Variants in SLC22A25 observed in about 807,000 individuals in gnomAD.
The protein encoded by SLC22A25 is MGI:2442751, MGI:2385316, MGI:3042283, MGI:3645714, MGI:3605624, MGI:2442750.
Under a neutral mutation model 45.9 loss-of-function variants are expected in SLC22A25, and 44 were observed. The ratio of observed to expected loss-of-function variants is 0.96; its 90% CI spans 0.75 to 1.23. The LOEUF (loss-of-function observed/expected upper bound fraction) is 1.23. Among genes scored for constraint, SLC22A25 ranks in the 50% most tolerant of loss-of-function variants. The pLI is 0.00. For synonymous variants in SLC22A25, 283 were observed against 238.6 expected, an observed-to-expected ratio of 1.19 and a Z score of -1.72; for missense variants, 800 against 666.4, an observed-to-expected ratio of 1.20 and a Z score of -2.21.
chr11:63,217,711 T>A lies in SLC22A25; in HGVS notation c.531A>T (p.Arg177Ser). 6.2e-7 allele frequency: 1 copy of A among 1,611,278 alleles called. No individual in the cohort carries two copies. Among genetic ancestry groups the A allele is most frequent in the Non-Finnish European group, 8.5e-7 (1 of 1,179,346 alleles). Residue 177 changes from arginine (R) to serine (S), a missense_variant, in exon 6 of 12, where the codon AGA (arginine) becomes AGT (serine). By Grantham distance (110) the Arg-to-Ser change is moderately radical (BLOSUM62 -1). Coordinates refer to ENST00000306494, the MANE Select transcript of SLC22A25 (RefSeq NM_199352.6). ...CAATGGCGAGCTGGAGGTAAGACCA[T>A]CTGAGCACGAACTTTCTCCCAAACC... ...SDRFGRKFVL[R>S]WSYLQLAIVG...
chr11:63,215,416 A>G (rs992580878), intron 7 of SLC22A25, among the ~76,000 whole-genome samples: 1 of 152,126 alleles, frequency 6.6e-6, no homozygotes, highest in African/African-American at 2.4e-5. Flanking sequence ...GGAATATCAC[A>G]TCCTGGGGCC....
intron 7 of SLC22A25, among the ~76,000 whole-genome samples, chr11:63,199,799 G>A (rs968396037): frequency 8.3e-4 from 122 of 147,030 alleles, no homozygotes; most frequent in Non-Finnish European, 4.8e-4. Flanking sequence ...ATCAATAGGC[G>A]ACGTCCGAGA....
At chr11:63,186,149 CA>C (rs2088533254) in intron 7 of SLC22A25, among the ~76,000 whole-genome samples, 1 of 127,796 alleles carries the variant, frequency 7.8e-6, no homozygotes, top group South Asian at 3.0e-4. Flanking sequence ...AACTAGTTTA[CA>C]GTCCCACCGA....
intron 9 of SLC22A25, among the ~76,000 whole-genome samples, chr11:63,172,895 T>C (rs1048570589): frequency 6.6e-6 from 1 of 152,066 alleles, no homozygotes; most frequent in African/African-American, 2.4e-5. Context: ...TAGAAATCAT[T>C]CTACTATAAG....
At chr11:63,174,547 G>A (rs753745725) in intron 9 of SLC22A25, among the ~76,000 whole-genome samples, 11 of 152,062 alleles carry the variant, frequency 7.2e-5, no homozygotes, top group Admixed American at 2.0e-4. Flanking sequence ...AATCACCCAC[G>A]TCTAGTTCCT....
At chr11:63,166,312 A>G (rs111442070) in intron 9 of SLC22A25, 54 bp from the exon 10 acceptor site, 76,107 of 1,588,312 alleles carry the variant, frequency 0.048, 2,080 homozygotes, top group Non-Finnish European at 0.058. Flanking sequence ...CCTAAATCCT[A>G]CAAATGAGAA....
At position 63,163,504 on chromosome 11, in the gene SLC22A25, G is replaced by C. The variant is rs1388342027; in HGVS notation, c.*320C>G. ...AGCTAACAGGTACACTCACTGGGCTGAGGGCTCCCCAGGGATGAGAAGATG... is the reference window on the plus strand; with the variant it reads ...AGCTAACAGGTACACTCACTGGGCTCAGGGCTCCCCAGGGATGAGAAGATG... On this transcript the variant is annotated 3_prime_UTR_variant, in exon 12 of 12. Coordinates refer to ENST00000306494, the MANE Select transcript of SLC22A25 (RefSeq NM_199352.6). Among the ~76,000 whole-genome samples, 1 of 152,176 alleles carries C rather than the reference G, an allele frequency of 6.6e-6. No homozygotes were observed. Among genetic ancestry groups the C allele is most frequent in the Non-Finnish European group, 1.5e-5 (1 of 68,034 alleles).
intron 9 of SLC22A25, chr11:63,167,986 G>A: frequency 2.6e-6 from 1 of 387,254 alleles, no homozygotes; most frequent in South Asian, 1.8e-5. Context: ...AGGAATCTTT[G>A]CTGTTCTGCA....
At chr11:63,233,161 G>A (rs1433766525) in intron 3 of SLC22A25, among the ~76,000 whole-genome samples, 1 of 152,168 alleles carries the variant, frequency 6.6e-6, no homozygotes, top group African/African-American at 2.4e-5. Flanking sequence ...AATGAGTTAG[G>A]GAGGATTCCC....
intron 5 of SLC22A25, among the ~76,000 whole-genome samples, chr11:63,225,329 A>G (rs1312410732): frequency 6.6e-6 from 1 of 151,872 alleles, no homozygotes; most frequent in African/African-American, 2.4e-5. Flanking sequence ...GGTGTTGATG[A>G]AACCTCTCAG....
chr11:63,219,366 A>G lies in SLC22A25; in HGVS notation c.507-1631T>C, dbSNP rs570538400. Among the ~76,000 whole-genome samples the G allele has an allele frequency of 4.5e-4, 69 of 152,236 alleles. 1 individual carries two copies. In the South Asian group the frequency reaches 6.2e-3, roughly 14 times the overall value. On this transcript the variant is annotated intron_variant, in intron 5 of 11. Coordinates refer to ENST00000306494, the MANE Select transcript of SLC22A25 (RefSeq NM_199352.6). ...AATCACCTTTCTGACTCCCAACACC[A>G]TCGTTGCTTTTCTTTGACGTTTACA...
chr11:63,199,813 T>C (rs1409455551), intron 7 of SLC22A25, among the ~76,000 whole-genome samples: 2 of 115,888 alleles, frequency 1.7e-5, no homozygotes, highest in Non-Finnish European at 3.5e-5. Flanking sequence ...TCCGAGAAGA[T>C]TGTAACCTCA....
rs116053473 is a variant in SLC22A25, at chr11:63,238,889, T to C, written c.-749A>G. On this transcript the variant is annotated 5_prime_UTR_variant, in exon 2 of 12. Coordinates refer to ENST00000306494, the MANE Select transcript of SLC22A25 (RefSeq NM_199352.6). ...GGCCTCAGGTTTGAGTCCAGTGAGA[T>C]AGAGATTCTCAGGAGGGCATCTTGG... 2.2e-3 allele frequency: 526 copies of C among 235,524 alleles called. 6 individuals are homozygous for C. The highest frequency in any genetic ancestry group is 0.011 in the African/African-American group (478 of 43,564). The allele number at this position is 235,524 out of a possible 1,614,324, so 14.6% of individuals were successfully genotyped here. A position where few individuals can be genotyped will look rare whatever the true frequency, so the allele number is the denominator to read the frequency against.
intron 5 of SLC22A25, among the ~76,000 whole-genome samples, chr11:63,225,849 CTG>C (rs1365890418): frequency 2.0e-5 from 3 of 151,958 alleles, no homozygotes; most frequent in Non-Finnish European, 4.4e-5. Flanking sequence ...TCCTCTGACT[CTG>C]TGTTTTTAAA....
At chr11:63,228,034 A>G (rs1025240530) in intron 5 of SLC22A25, among the ~76,000 whole-genome samples, 3 of 152,176 alleles carry the variant, frequency 2.0e-5, no homozygotes, top group African/African-American at 7.2e-5. Context: ...GCAATTCAAG[A>G]CTGTCTTTCC....
At chr11:63,189,847 T>C (rs973531127) in intron 7 of SLC22A25, among the ~76,000 whole-genome samples, 3 of 152,238 alleles carry the variant, frequency 2.0e-5, no homozygotes, top group Non-Finnish European at 2.9e-5. Flanking sequence ...GAAAATTCTT[T>C]TCTTTAAGAA....
At chr11:63,164,711 G>T in intron 10 of SLC22A25, 77 bp from the exon 11 acceptor site, 3 of 1,181,780 alleles carry the variant, frequency 2.5e-6, no homozygotes, top group South Asian at 1.2e-5. Context: ...GAAGTGAAAA[G>T]GACTGCTTTG....
intron 4 of SLC22A25, among the ~76,000 whole-genome samples, chr11:63,228,847 G>C (rs1365672850): frequency 6.6e-6 from 1 of 152,072 alleles, no homozygotes; most frequent in Non-Finnish European, 1.5e-5. Context: ...AATATTTTTG[G>C]TTGCCTAAAT....
intron 7 of SLC22A25, among the ~76,000 whole-genome samples, chr11:63,203,158 C>G (rs955411185): frequency 6.6e-6 from 1 of 152,104 alleles, no homozygotes; most frequent in African/African-American, 2.4e-5. Context: ...CTGAAGGTCA[C>G]CGACATCAAA....
Sources: allele counts gnomAD v4.1 joint callset (sites outside exome capture counted in the v4.1 genomes callset), GRCh38; gene constraint gnomAD v4.1.1; transcripts MANE v1.5; gene names NCBI Gene and HGNC (gene_info 2026-07-23, HGNC 2026-07-21).